EBF4: variants seen among roughly 807,000 people sequenced by gnomAD.
EBF4 encodes transcription factor COE4.
Under a neutral mutation model 67.1 loss-of-function variants are expected in EBF4, and 34 were observed. The ratio of observed to expected loss-of-function variants is 0.51; its 90% confidence interval spans 0.39 to 0.67. The LOEUF is 0.67. Among genes scored for constraint, EBF4 ranks in the 30% least tolerant of loss-of-function variants. EBF4 has a pLI of 0.00. For missense variants in EBF4, 837 were observed against 873.3 expected (o/e 0.96, Z 0.52); for synonymous variants, 387 against 377.7 (o/e 1.02, Z -0.29).
intron 1 of EBF4, among the ~76,000 whole-genome samples, chr20:2,698,807 C>G (rs1309103417): frequency 6.6e-6 from 1 of 152,092 alleles, no homozygotes; most frequent in Non-Finnish European, 1.5e-5. Flanking sequence ...AGGACCAGGG[C>G]AAGGCACGGC....
chr20:2,748,758 C>T (rs2088092514), intron 7 of EBF4, 128 bp downstream of exon 7: 1 of 1,072,714 alleles, frequency 9.3e-7, no homozygotes, highest in African/African-American at 1.6e-5. Context: ...CTGCCCAGCC[C>T]TGTGCCTCCC....
intron 4 of EBF4, 35 bp downstream of exon 4, chr20:2,706,299 ACT>A: frequency 6.5e-7 from 1 of 1,549,060 alleles, no homozygotes; most frequent in Non-Finnish European, 8.7e-7. Flanking sequence ...GGCCCATCTC[ACT>A]CTCTTCCCGG....
At chr20:2,737,113 G>A (rs926501084) in intron 6 of EBF4, among the ~76,000 whole-genome samples, 10 of 150,624 alleles carry the variant, frequency 6.6e-5, no homozygotes, top group South Asian at 2.1e-4. Context: ...AGCCGGGCGT[G>A]GTGGCGGGCG....
intron 8 of EBF4, 37 bp downstream of exon 8, chr20:2,749,555 C>G: frequency 6.5e-7 from 1 of 1,538,554 alleles, no homozygotes; most frequent in Non-Finnish European, 8.8e-7. Flanking sequence ...CGCCGCGGGC[C>G]CAGCCAGCCC....
intron 6 of EBF4, among the ~76,000 whole-genome samples, chr20:2,738,874 G>A (rs1479453586): frequency 6.6e-6 from 1 of 152,190 alleles, no homozygotes; most frequent in African/African-American, 2.4e-5. Context: ...GCGCATGGTG[G>A]GCCATTAGCA....
chr20:2,730,795 G>A (rs754044351), intron 6 of EBF4, among the ~76,000 whole-genome samples: 1 of 152,208 alleles, frequency 6.6e-6, no homozygotes, highest in Non-Finnish European at 1.5e-5. Flanking sequence ...CTGGTAGAAA[G>A]CATTCGCTTT....
rs1335480866 is a variant in EBF4, at chr20:2,755,184, C to T, written c.1541-443C>T. 1 of 177,270 alleles carries T rather than the reference C, an allele frequency of 5.6e-6. No homozygotes were observed. Among genetic ancestry groups the T allele is most frequent in the Non-Finnish European group, 1.2e-5 (1 of 84,624 alleles). 11.0% of individuals were successfully genotyped at this position (177,270 alleles called of 1,614,324 possible). A position where few individuals can be genotyped will look rare whatever the true frequency, so the allele number is the denominator to read the frequency against. ...GGAGCCTGTGCGTTCCCCCAAACTT[C>T]ATCCCTAACTACTTGTTCCAGCTCT... On this transcript the variant is annotated intron_variant, in intron 14 of 16. Transcript: ENST00000609451. This position sits in a 1 kb window ranked among gnomAD's most constrained non-coding sequence, Gnocchi z 4.7.
rs2088146535 is a variant in EBF4, at chr20:2,751,621, G to A, written c.1019-79G>A. On this transcript the variant is annotated intron_variant, in intron 10 of 16. Coordinates refer to ENST00000609451, the Ensembl canonical transcript of EBF4. This position sits in a 1 kb window ranked among gnomAD's most constrained non-coding sequence, Gnocchi z 5.2. ...AGGCTCTCGGACTGGGCGCTGGCCTGCTTTTGGCGCCCTGCGTCTCACCCT... is the reference window on the plus strand; with the variant it reads ...AGGCTCTCGGACTGGGCGCTGGCCTACTTTTGGCGCCCTGCGTCTCACCCT... 3.4e-6 allele frequency: 5 copies of A among 1,457,404 alleles called. No homozygotes were observed. The Admixed American group carries it at 9.9e-5, about 29-fold the overall frequency. The allele number at this position is 1,457,404 out of a possible 1,614,324, so 90.3% of individuals were successfully genotyped here. A position where few individuals can be genotyped will look rare whatever the true frequency, so the allele number is the denominator to read the frequency against.
intron 6 of EBF4, among the ~76,000 whole-genome samples, chr20:2,732,405 A>C (rs1568578607): frequency 6.6e-6 from 1 of 152,156 alleles, no homozygotes; most frequent in Non-Finnish European, 1.5e-5. Flanking sequence ...TATGGGCATG[A>C]GCCACCACAC....
Position 2,758,976 on chromosome 20 carries a change from C to A in EBF4, c.1806C>A (p.Ser602=), listed in dbSNP as rs752673494. The A allele has an allele frequency of 3.2e-6, 5 of 1,551,676 alleles. No homozygotes were observed. In the African/African-American group the frequency reaches 5.5e-5, roughly 17 times the overall value. The change falls in exon 16 of 17, where the codon TCC becomes TCA. Residue 602 remains serine (S), a synonymous_variant. Transcript: ENST00000609451. ...GGGGGCTTCAGGGCCTGGCATACTC[C>A]TAATTACGGTAGGTCTCTGGCTGGG...
At position 2,747,317 on chromosome 20, in the gene EBF4, C is replaced by CAAA. The variant is rs57405059; in HGVS notation, c.558-1221_558-1219dup. 8.7e-3 allele frequency among the ~76,000 whole-genome samples: 1,112 copies of CAAA among 127,354 alleles called. 11 individuals carry two copies. The highest frequency in any genetic ancestry group is 0.023 in the African/African-American group (794 of 34,756). The allele number at this position is 127,354 out of a possible 152,430, so 83.5% of individuals were successfully genotyped here. A position where few individuals can be genotyped will look rare whatever the true frequency, so the allele number is the denominator to read the frequency against. On this transcript the variant is annotated intron_variant, in intron 6 of 16. Coordinates refer to ENST00000609451, the Ensembl canonical transcript of EBF4. The surrounding 1 kb of genome is among the most constrained non-coding windows in gnomAD (Gnocchi z 4.6). ...GTCTCAAAACAAAAAACAAAACAAACAAAAAAAAAAAAACAGGAAAAAAAA... is the reference window on the plus strand; with the variant it reads ...GTCTCAAAACAAAAAACAAAACAAACAAAAAAAAAAAAAAAACAGGAAAAAAAA...
At chr20:2,727,931 T>A (rs1224178776) in intron 6 of EBF4, among the ~76,000 whole-genome samples, 4 of 152,206 alleles carry the variant, frequency 2.6e-5, no homozygotes, top group Non-Finnish European at 5.9e-5. Context: ...GTGTTGAGTG[T>A]TAGGAGTTCC....
intron 1 of EBF4, among the ~76,000 whole-genome samples, chr20:2,698,943 G>A (rs1394268577): frequency 6.6e-6 from 1 of 152,150 alleles, no homozygotes; most frequent in Non-Finnish European, 1.5e-5. Flanking sequence ...TCCTCTGTGG[G>A]ATTTGAGCTG....
At chr20:2,711,914 C>T (rs1205672257) in intron 6 of EBF4, among the ~76,000 whole-genome samples, 1 of 152,172 alleles carries the variant, frequency 6.6e-6, no homozygotes, top group African/African-American at 2.4e-5. Context: ...TGAGCCAAGA[C>T]CTCAAGGAAG....
exon 7 of EBF4, chr20:2,748,549 G>T (rs2088088777): frequency 1.3e-6 from 2 of 1,551,314 alleles, no homozygotes; most frequent in Admixed American, 3.9e-5. Flanking sequence ...ACTGTTTCAG[G>T]TTCTTCCTCA....
intron 1 of EBF4, among the ~76,000 whole-genome samples, chr20:2,698,967 T>A (rs1043569176): frequency 6.6e-6 from 1 of 152,152 alleles, no homozygotes; most frequent in African/African-American, 2.4e-5. Flanking sequence ...GTGGTTAAAT[T>A]GCTTACTATA....
intron 1 of EBF4, among the ~76,000 whole-genome samples, chr20:2,704,394 C>T (rs1349095527): frequency 5.3e-5 from 8 of 152,276 alleles, no homozygotes; most frequent in South Asian, 4.1e-4. Context: ...TTTGGAAGGC[C>T]GTGGCTCAGA....
chr20:2,730,959 C>T (rs917313759), intron 6 of EBF4, among the ~76,000 whole-genome samples: 19 of 152,104 alleles, frequency 1.2e-4, no homozygotes, highest in African/African-American at 4.1e-4. Context: ...AGTGCAGTGG[C>T]GCAATCTCGG....
chr20:2,737,817 GAAA>G (rs5839969), intron 6 of EBF4, among the ~76,000 whole-genome samples: 54,728 of 143,630 alleles, frequency 0.38, 11,154 homozygotes, highest in African/African-American at 0.52. Context: ...CTAAAAATGT[GAAA>G]AAAAAAAAAA....
Sources: gnomAD v4.1 joint callset for allele counts (sites outside exome capture counted in the v4.1 genomes callset) on GRCh38, gnomAD v4.1.1 for gene constraint, Gnocchi (gnomAD v3.1) non-coding constraint, MANE v1.5 for transcripts, NCBI Gene and HGNC (gene_info 2026-07-23, HGNC 2026-07-21) for gene names.